Variants in UBE3D observed in about 807,000 individuals in gnomAD.
UBE3D encodes the protein ubiquitin protein ligase E3D.
A neutral mutation model predicts 49.6 loss-of-function variants in UBE3D; 48 were observed. That is an observed-to-expected ratio of 0.97 (90% CI 0.77 to 1.23). UBE3D has a LOEUF of 1.23. UBE3D is among the 50% of genes most tolerant of loss of function. The pLI, the probability that UBE3D is intolerant of heterozygous loss-of-function variation, is 0.00. For missense variants in UBE3D, 452 were observed against 468.4 expected (o/e 0.96, Z 0.32); for synonymous variants, 189 against 174.2 (o/e 1.08, Z -0.67).
chr6:83,013,229 T>C (rs770356885), intron 8 of UBE3D, among the ~76,000 whole-genome samples: 1 of 152,222 alleles, frequency 6.6e-6, no homozygotes, highest in East Asian at 1.9e-4. Context: ...TGTGACTTGA[T>C]GATTCATAGT....
At position 82,997,038 on chromosome 6, in the gene UBE3D, TA is replaced by T. The variant is rs199742998; in HGVS notation, c.1010+21934del. The stretch of plus-strand genomic sequence containing the variant: ...ACATTAGGGGAAACTGAAAATGGGT[TA>T]GGGGTACACAGGAACAATCTGTACT... On this transcript the variant is annotated intron_variant, in intron 8 of 9. Coordinates refer to ENST00000369747, the MANE Select transcript of UBE3D (RefSeq NM_198920.3). Among the ~76,000 whole-genome samples, 1,315 of 152,266 alleles carry T rather than the reference TA, an allele frequency of 8.6e-3. 20 individuals carry two copies. Among genetic ancestry groups the T allele is most frequent in the African/African-American group, 0.03 (1,234 of 41,552 alleles).
intron 9 of UBE3D, among the ~76,000 whole-genome samples, chr6:82,933,266 C>T (rs1281993049): frequency 6.6e-6 from 1 of 152,130 alleles, no homozygotes; most frequent in Non-Finnish European, 1.5e-5. Flanking sequence ...TTATAAAGCT[C>T]CTAAGCAGCA....
Position 83,044,538 on chromosome 6 carries a change from T to A in UBE3D, c.487A>T (p.Ile163Phe), listed in dbSNP as rs1224076501. 2 of 1,614,140 alleles carry A rather than the reference T, an allele frequency of 1.2e-6. No individual in the cohort carries two copies. Among genetic ancestry groups the A allele is most frequent in the Non-Finnish European group, 1.7e-6 (2 of 1,180,000 alleles). ...TTCACCAAGAAGAAAGAGTCTCCAA[T>A]AAAACAGTCATTCTCTTGCGGATGA... ...SLHPQENDCF[I>F]GDSFFLVNLR... The change falls in exon 4 of 10, where the codon ATT becomes TTT. Residue 163 changes from isoleucine to phenylalanine, a missense_variant. Coordinates refer to ENST00000369747, the MANE Select transcript of UBE3D (RefSeq NM_198920.3).
intron 9 of UBE3D, among the ~76,000 whole-genome samples, chr6:82,927,715 T>C (rs1299374709): frequency 3.3e-5 from 5 of 151,592 alleles, no homozygotes; most frequent in African/African-American, 9.7e-5. Flanking sequence ...TAACTTTGTA[T>C]CCTACAATCT....
In UBE3D at chr6:83,013,750, T is replaced by C. The variant is rs561732043; in HGVS notation, c.1010+5223A>G. On this transcript the variant is annotated intron_variant, in intron 8 of 9. Transcript: ENST00000369747. ...AAATTTTACTGAGGTGTAAGTCCCC[T>C]GAATTTTAATCGGATTTATTTCCCA... 5.9e-5 allele frequency among the ~76,000 whole-genome samples: 9 copies of C among 152,338 alleles called. No homozygotes were observed. The East Asian group carries it at 1.7e-3, about 29-fold the overall frequency.
chr6:82,951,965 T>A (rs1775832106), intron 9 of UBE3D, among the ~76,000 whole-genome samples: 1 of 152,158 alleles, frequency 6.6e-6, no homozygotes, highest in Non-Finnish European at 1.5e-5. Flanking sequence ...CCATTTGTAT[T>A]CTGCAAACAT....
intron 8 of UBE3D, among the ~76,000 whole-genome samples, chr6:82,963,972 A>G (rs1487382894): frequency 6.6e-6 from 1 of 152,220 alleles, no homozygotes. Context: ...AAGATACTTC[A>G]AAAGGAACAA....
intron 9 of UBE3D, among the ~76,000 whole-genome samples, chr6:82,896,975 G>A (rs1281878167): frequency 1.3e-5 from 2 of 151,716 alleles, no homozygotes; most frequent in Admixed American, 6.6e-5. Context: ...TCCTGACCTT[G>A]TGATCCACCC....
intron 3 of UBE3D, among the ~76,000 whole-genome samples, chr6:83,046,903 G>T (rs955436392): frequency 1.3e-5 from 2 of 152,042 alleles, no homozygotes; most frequent in Admixed American, 1.3e-4. Context: ...CATCTGAGCT[G>T]GCCTTTGAAA....
downstream of UBE3D, among the ~76,000 whole-genome samples, chr6:82,890,828 T>A (rs1316995845): frequency 6.6e-6 from 1 of 152,216 alleles, no homozygotes; most frequent in Non-Finnish European, 1.5e-5. Flanking sequence ...ATCTGTGCAA[T>A]CACAAGCACC....
chr6:82,981,232 T>C (rs961125714), intron 8 of UBE3D, among the ~76,000 whole-genome samples: 1 of 152,136 alleles, frequency 6.6e-6, no homozygotes, highest in Non-Finnish European at 1.5e-5. Flanking sequence ...GCTGTCTTTT[T>C]AGCTGTAAAA....
At chr6:82,883,960 C>A in the UBE3D span, among the ~76,000 whole-genome samples, 8 of 152,122 alleles carry the variant, frequency 5.3e-5, no homozygotes, top group Non-Finnish European at 1.0e-4. Context: ...TCTGGGAGAA[C>A]CTCATTTTGG....
chr6:83,020,341 GTTTTTTTT>G (rs11341564), intron 7 of UBE3D, among the ~76,000 whole-genome samples: 5,524 of 141,320 alleles, frequency 0.039, 289 homozygotes, highest in African/African-American at 0.11. Flanking sequence ...ATGTGATACT[GTTTTTTTT>G]TTTTTTTTTA....
intron 8 of UBE3D, among the ~76,000 whole-genome samples, chr6:82,962,757 T>G (rs1247498330): frequency 6.6e-6 from 1 of 152,200 alleles, no homozygotes; most frequent in Admixed American, 6.5e-5. Flanking sequence ...CTAAATCCCA[T>G]TCTTTTTAAT....
At chr6:83,005,928 A>G (rs1779945533) in intron 8 of UBE3D, among the ~76,000 whole-genome samples, 2 of 152,154 alleles carry the variant, frequency 1.3e-5, no homozygotes, top group Admixed American at 6.5e-5. Context: ...AAGATATCAA[A>G]AAGTAGTCAA....
At chr6:82,931,318 G>C (rs1460537124) in intron 9 of UBE3D, among the ~76,000 whole-genome samples, 2 of 152,340 alleles carry the variant, frequency 1.3e-5, no homozygotes, top group Middle Eastern at 3.4e-3. Flanking sequence ...GGAAATGTGG[G>C]GTCGGAGCCC....
chr6:83,031,434 G>C (rs1781862283), intron 5 of UBE3D, among the ~76,000 whole-genome samples: 1 of 152,224 alleles, frequency 6.6e-6, no homozygotes, highest in Admixed American at 6.5e-5. Context: ...ATTCAAGCCT[G>C]CTTGCATCTT....
chr6:82,985,766 C>T lies in UBE3D; in HGVS notation c.1011-28316G>A, dbSNP rs181288890. Among the ~76,000 whole-genome samples the T allele has an allele frequency of 8.5e-5, 13 of 152,212 alleles. No individual in the cohort carries two copies. The East Asian group carries it at 1.4e-3, about 16-fold the overall frequency. The stretch of plus-strand genomic sequence containing the variant: ...CTTTGCATTTATCTCAGCACCCCAA[C>T]GCTAATTATTATAAATTCTACATTT... On this transcript the variant is annotated intron_variant, in intron 8 of 9. Transcript: ENST00000369747.
intron 2 of UBE3D, among the ~76,000 whole-genome samples, chr6:83,054,692 C>T (rs564207431): frequency 1.3e-4 from 19 of 151,870 alleles, no homozygotes; most frequent in African/African-American, 4.6e-4. Flanking sequence ...TGTTCTGTCA[C>T]CCAGGCTGGA....
Sources: allele counts gnomAD v4.1 joint callset (sites outside exome capture counted in the v4.1 genomes callset), GRCh38; gene constraint gnomAD v4.1.1; transcripts MANE v1.5; gene names NCBI Gene and HGNC (gene_info 2026-07-23, HGNC 2026-07-21).